Variants in ADAM23 observed in about 807,000 individuals in gnomAD.
ADAM23 encodes the protein disintegrin and metalloproteinase domain-containing protein 23.
ADAM23 carries 33 observed loss-of-function variants against 120.1 expected under a neutral mutation model. The observed-to-expected ratio is 0.27, with a 90% CI of 0.21 to 0.37. The LOEUF (loss-of-function observed/expected upper bound fraction) is 0.37, where lower values mean the gene tolerates loss of function less well. Among genes scored for constraint, ADAM23 ranks in the 10% least tolerant of loss-of-function variants. ADAM23 has a pLI of 1.00. For missense variants in ADAM23, 862 were observed against 1,058.2 expected (o/e 0.81, Z 2.57); for synonymous variants, 367 against 375.2 (o/e 0.98, Z 0.25).
intron 2 of ADAM23, among the ~76,000 whole-genome samples, chr2:206,473,046 G>T (rs926179433): frequency 3.3e-5 from 5 of 151,856 alleles, no homozygotes; most frequent in Non-Finnish European, 7.4e-5. Flanking sequence ...TATGTTTTCG[G>T]GCATTTTTCG....
chr2:206,589,925 TCTTA>T (rs1559279405), intron 21 of ADAM23, among the ~76,000 whole-genome samples: 1 of 152,302 alleles, frequency 6.6e-6, no homozygotes, highest in East Asian at 1.9e-4. Flanking sequence ...CAACGTGAAA[TCTTA>T]CTGTGTTTTT....
At chr2:206,515,544 C>T (rs1356834537) in intron 3 of ADAM23, among the ~76,000 whole-genome samples, 1 of 152,124 alleles carries the variant, frequency 6.6e-6, no homozygotes, top group Non-Finnish European at 1.5e-5. Context: ...TCTTCTGCTC[C>T]TACAGCTCTC....
At chr2:206,483,156 T>C (rs968129474) in intron 3 of ADAM23, among the ~76,000 whole-genome samples, 2 of 152,180 alleles carry the variant, frequency 1.3e-5, no homozygotes, top group Admixed American at 1.3e-4. Context: ...ATACTTTCAA[T>C]AAATCTGCAG....
At chr2:206,450,578 G>C (rs1227784841) in intron 2 of ADAM23, among the ~76,000 whole-genome samples, 6 of 152,176 alleles carry the variant, frequency 3.9e-5, no homozygotes. Context: ...CTACTGAGGA[G>C]AGATAATTTT....
intron 17 of ADAM23, 35 bp from the exon 18 acceptor site, chr2:206,573,080 A>G: frequency 6.3e-7 from 1 of 1,595,526 alleles, no homozygotes; most frequent in Non-Finnish European, 8.6e-7. Context: ...AATATTATGT[A>G]ATGCTAACTC....
chr2:206,594,601 A>T, intron 22 of ADAM23, 136 bp from the exon 23 acceptor site: 1 of 885,290 alleles, frequency 1.1e-6, no homozygotes, highest in Non-Finnish European at 1.7e-6. Flanking sequence ...GGGGAAGAAG[A>T]AGAGGAGTAA....
intron 3 of ADAM23, among the ~76,000 whole-genome samples, chr2:206,498,468 A>T (rs1696307808): frequency 6.6e-6 from 1 of 152,164 alleles, no homozygotes; most frequent in Non-Finnish European, 1.5e-5. Flanking sequence ...CTGAAACTGG[A>T]TCCCTTCCTT....
intron 2 of ADAM23, among the ~76,000 whole-genome samples, chr2:206,474,318 C>T (rs1695728440): frequency 6.6e-6 from 1 of 152,084 alleles, no homozygotes; most frequent in South Asian, 2.1e-4. Context: ...GACATGACAA[C>T]TTGAACAAGG....
chr2:206,463,732 G>T (rs1685127507), intron 2 of ADAM23, among the ~76,000 whole-genome samples: 1 of 152,232 alleles, frequency 6.6e-6, no homozygotes, highest in Non-Finnish European at 1.5e-5. Flanking sequence ...CCCGGGATCA[G>T]GGGCAGGTCA....
chr2:206,546,811 A>G (rs1697408019), intron 6 of ADAM23, among the ~76,000 whole-genome samples: 1 of 152,212 alleles, frequency 6.6e-6, no homozygotes, highest in Non-Finnish European at 1.5e-5. Flanking sequence ...GTACATTAAC[A>G]GTACCTGATA....
At chr2:206,527,363 T>A (rs1696964910) in intron 3 of ADAM23, among the ~76,000 whole-genome samples, 1 of 152,182 alleles carries the variant, frequency 6.6e-6, no homozygotes, top group Non-Finnish European at 1.5e-5. Flanking sequence ...AGACATAGAT[T>A]ACCGGTTCCT....
intron 9 of ADAM23, among the ~76,000 whole-genome samples, chr2:206,554,720 A>G (rs1364964265): frequency 6.6e-6 from 1 of 152,136 alleles, no homozygotes; most frequent in Non-Finnish European, 1.5e-5. Context: ...ATCTTGAGTA[A>G]GTTATTTGGG....
intron 2 of ADAM23, among the ~76,000 whole-genome samples, chr2:206,472,952 G>T (rs1181825773): frequency 2.0e-5 from 3 of 152,140 alleles, no homozygotes; most frequent in Non-Finnish European, 2.9e-5. Context: ...CTTTGGTCTT[G>T]TTTCTGTAAT....
At chr2:206,590,968 G>C (rs1173591485) in intron 21 of ADAM23, among the ~76,000 whole-genome samples, 1 of 152,192 alleles carries the variant, frequency 6.6e-6, no homozygotes, top group Non-Finnish European at 1.5e-5. Context: ...TAGCTTTTGA[G>C]TATCTGGTAA....
intron 2 of ADAM23, among the ~76,000 whole-genome samples, chr2:206,457,903 A>T (rs1164311209): frequency 3.3e-5 from 5 of 152,202 alleles, no homozygotes; most frequent in Non-Finnish European, 5.9e-5. Flanking sequence ...ATTTTTTACT[A>T]ATTAAGGAAA....
At chr2:206,584,353 G>A (rs1045519791) in intron 18 of ADAM23, among the ~76,000 whole-genome samples, 1 of 152,216 alleles carries the variant, frequency 6.6e-6, no homozygotes, top group Admixed American at 6.5e-5. Flanking sequence ...ACAAGGTCGT[G>A]CTTTCCAGAA....
intron 3 of ADAM23, among the ~76,000 whole-genome samples, chr2:206,501,363 TA>T (rs1696383472): frequency 6.6e-6 from 1 of 151,994 alleles, no homozygotes; most frequent in South Asian, 2.1e-4. Context: ...TGTCATTCTG[TA>T]ACGTTTTATC....
chr2:206,444,527 G>A (rs548316473), intron 1 of ADAM23, among the ~76,000 whole-genome samples: 1 of 152,260 alleles, frequency 6.6e-6, no homozygotes, highest in Admixed American at 6.5e-5. Flanking sequence ...GAATTAAGGT[G>A]GGGGAGGCAC....
intron 18 of ADAM23, among the ~76,000 whole-genome samples, chr2:206,578,434 G>A (rs866974274): frequency 2.4e-4 from 36 of 151,466 alleles, no homozygotes; most frequent in South Asian, 8.3e-4. Context: ...ACATATCAGC[G>A]AGAACATATG....
Sources: allele counts gnomAD v4.1 joint callset (sites outside exome capture counted in the v4.1 genomes callset), GRCh38; gene constraint gnomAD v4.1.1; transcripts MANE v1.5; gene names NCBI Gene and HGNC (gene_info 2026-07-23, HGNC 2026-07-21).